The following PPP2R5C variants were observed in gnomAD, a reference collection of about 807,000 sequenced individuals.
The protein encoded by PPP2R5C is serine/threonine-protein phosphatase 2A 56 kDa regulatory subunit gamma isoform.
A neutral mutation model predicts 68.9 loss-of-function variants in PPP2R5C; 7 were observed. That is an observed-to-expected ratio of 0.10 (90% CI 0.06 to 0.19). The LOEUF (loss-of-function observed/expected upper bound fraction) is 0.19, where lower values mean the gene tolerates loss of function less well. PPP2R5C is among the 10% of genes least tolerant of loss of function. PPP2R5C has a pLI of 1.00. For synonymous variants in PPP2R5C, 210 were observed against 222.2 expected, an observed-to-expected ratio of 0.95 and a Z score of 0.49; for missense variants, 348 against 641.3, an observed-to-expected ratio of 0.54 and a Z score of 4.94.
At chr14:101,837,303 C>T (rs1280858539) in intron 1 of PPP2R5C, among the ~76,000 whole-genome samples, 3 of 147,800 alleles carry the variant, frequency 2.0e-5, no homozygotes, top group Non-Finnish European at 3.0e-5. Context: ...ACCACCACGC[C>T]CAGCTCATTT....
chr14:101,878,155 C>G (rs1488888544), intron 2 of PPP2R5C, among the ~76,000 whole-genome samples: 1 of 152,238 alleles, frequency 6.6e-6, no homozygotes, highest in Non-Finnish European at 1.5e-5. Flanking sequence ...TCCCTCCTTA[C>G]AAAGACACTA....
At chr14:101,850,309 T>G (rs1170738778) in intron 1 of PPP2R5C, among the ~76,000 whole-genome samples, 3 of 152,202 alleles carry the variant, frequency 2.0e-5, no homozygotes, top group Admixed American at 6.5e-5. Context: ...AAAGTGATAC[T>G]CAAAAACCAT....
chr14:101,802,317 CAGG>C (rs2038897533), intron 3 of PPP2R5C, among the ~76,000 whole-genome samples: 1 of 152,046 alleles, frequency 6.6e-6, no homozygotes, highest in Non-Finnish European at 1.5e-5. Context: ...GAGGCTGAGG[CAGG>C]AGAATCGCTT....
chr14:101,882,811 G>T lies in PPP2R5C; in HGVS notation c.406-446G>T, dbSNP rs1378072817. On this transcript the variant is annotated intron_variant, in intron 3 of 13. Coordinates refer to ENST00000334743, the Ensembl canonical transcript of PPP2R5C. This position sits in a 1 kb window ranked among gnomAD's most constrained non-coding sequence, Gnocchi z 4.9. The stretch of plus-strand genomic sequence containing the variant: ...GAAAGAATTGTCCCAGCTCCAGGAG[G>T]TCATGATTCTGGGTCCACATCTTAG... The T allele has an allele frequency of 6.1e-6, 1 of 165,090 alleles. No individual in the cohort carries two copies. The highest frequency in any genetic ancestry group is 6.1e-5 in the Admixed American group (1 of 16,312). 10.2% of individuals were successfully genotyped at this position (165,090 alleles called of 1,614,324 possible). A position where few individuals can be genotyped will look rare whatever the true frequency, so the allele number is the denominator to read the frequency against.
chr14:101,925,299 G>A, exon 14 of PPP2R5C: 2 of 1,609,232 alleles, frequency 1.2e-6, no homozygotes, highest in East Asian at 4.5e-5. Flanking sequence ...TCGGGGCCGG[G>A]CCCGCCAGTT....
At chr14:101,896,315 C>T (rs1044775422) in intron 8 of PPP2R5C, among the ~76,000 whole-genome samples, 9 of 152,022 alleles carry the variant, frequency 5.9e-5, no homozygotes, top group African/African-American at 1.7e-4. Context: ...CCACCACACC[C>T]GACCTGTTGT....
intron 2 of PPP2R5C, among the ~76,000 whole-genome samples, chr14:101,875,025 C>T (rs1220461834): frequency 6.6e-6 from 1 of 152,202 alleles, no homozygotes; most frequent in Non-Finnish European, 1.5e-5. Flanking sequence ...CAGGGGTGAG[C>T]CACCGCGCCT....
At chr14:101,861,368 C>T (rs559353598) in intron 2 of PPP2R5C, among the ~76,000 whole-genome samples, 13 of 152,274 alleles carry the variant, frequency 8.5e-5, no homozygotes, top group African/African-American at 3.1e-4. Context: ...GAGAGCCTTT[C>T]GGAGGGCCTG....
chr14:101,770,769 C>T lies in PPP2R5C; in HGVS notation c.93+7799C>T, dbSNP rs72715635. Among the ~76,000 whole-genome samples the T allele has an allele frequency of 1.4e-3, 209 of 152,334 alleles. 1 individual carries two copies. The highest frequency in any genetic ancestry group is 3.4e-3 in the Middle Eastern group (1 of 292). On this transcript the variant is annotated intron_variant, in intron 2 of 14. Transcript: ENST00000328724. ...CAAAGTTCCTACATTAAAGCAACAG[C>T]AGGGTGAATGGCAACTTATAGCCCT... is the stretch of plus-strand genomic sequence containing the variant.
intron 11 of PPP2R5C, among the ~76,000 whole-genome samples, chr14:101,910,269 A>T (rs2046307810): frequency 6.6e-6 from 1 of 152,198 alleles, no homozygotes; most frequent in Non-Finnish European, 1.5e-5. Flanking sequence ...TAGTTGTTGG[A>T]GGTCACTTCT....
At position 101,835,289 on chromosome 14, in the gene PPP2R5C, G is replaced by A. The variant is rs1359141290; in HGVS notation, c.95-21397G>A. On this transcript the variant is annotated intron_variant, in intron 1 of 13. Coordinates refer to ENST00000334743, the Ensembl canonical transcript of PPP2R5C. The surrounding 1 kb of genome is among the most constrained non-coding windows in gnomAD (Gnocchi z 5.0). Reference sequence around the variant, plus strand: ...AAGGGAAGCCCAGGGCAGGGTGTTGGCACAGAGCTGGGAGGTGCATTACAC... The same window carrying A: ...AAGGGAAGCCCAGGGCAGGGTGTTGACACAGAGCTGGGAGGTGCATTACAC... Among the ~76,000 whole-genome samples, 1 of 152,196 alleles carries A rather than the reference G, an allele frequency of 6.6e-6. No homozygotes were observed. Among genetic ancestry groups the A allele is most frequent in the Non-Finnish European group, 1.5e-5 (1 of 68,034 alleles).
At position 101,879,828 on chromosome 14, in the gene PPP2R5C, G is replaced by T. The variant is rs1385808495; in HGVS notation, c.295-2333G>T. 6.6e-6 allele frequency among the ~76,000 whole-genome samples: 1 copy of T among 152,234 alleles called. No homozygotes were observed. Among genetic ancestry groups the T allele is most frequent in the Non-Finnish European group, 1.5e-5 (1 of 68,052 alleles). On this transcript the variant is annotated intron_variant, in intron 2 of 13. Transcript: ENST00000334743. This position sits in a 1 kb window ranked among gnomAD's most constrained non-coding sequence, Gnocchi z 4.2. ...ACTCAATTCAGACTTTCCTTTCTCT[G>T]CCCTTCATGGCCCTGGAAGTTATGG...
chr14:101,851,092 G>A (rs1463175622), intron 1 of PPP2R5C, among the ~76,000 whole-genome samples: 2 of 152,076 alleles, frequency 1.3e-5, no homozygotes, highest in African/African-American at 4.8e-5. Context: ...GTGGGCTCGC[G>A]ACTTGCATAG....
In PPP2R5C at chr14:101,917,015, G is replaced by T. The variant is rs1010678725; in HGVS notation, c.1327-816G>T. Among the ~76,000 whole-genome samples, 6 of 152,144 alleles carry T rather than the reference G, an allele frequency of 3.9e-5. No individual in the cohort carries two copies. Among genetic ancestry groups the T allele is most frequent in the East Asian group, 1.9e-4 (1 of 5,200 alleles). On this transcript the variant is annotated intron_variant, in intron 12 of 13. Coordinates refer to ENST00000334743, the Ensembl canonical transcript of PPP2R5C. This position sits in a 1 kb window ranked among gnomAD's most constrained non-coding sequence, Gnocchi z 4.4. ...TTCCCAGCTCACAGCAGACACAGAT[G>T]CCACTTCCTTCGCCTGTGCCCTCAG...
At chr14:101,833,846 G>A (rs1322952799) in intron 1 of PPP2R5C, among the ~76,000 whole-genome samples, 1 of 152,198 alleles carries the variant, frequency 6.6e-6, no homozygotes, top group Non-Finnish European at 1.5e-5. Flanking sequence ...CTGTCACCCA[G>A]GCTGGAGTGC....
intron 1 of PPP2R5C, among the ~76,000 whole-genome samples, chr14:101,855,502 G>A (rs754918555): frequency 1.6e-4 from 25 of 152,212 alleles, no homozygotes; most frequent in Non-Finnish European, 2.2e-4. Context: ...AGTAAAAGCC[G>A]TCTGTAAATT....
intron 5 of PPP2R5C, 28 bp from the exon 8 acceptor site, chr14:101,890,209 A>G (rs1189582586): frequency 3.8e-6 from 6 of 1,594,476 alleles, no homozygotes; most frequent in Non-Finnish European, 4.3e-6. Flanking sequence ...TCAGTGTCTA[A>G]TTCTAATGGG....
chr14:101,861,681 C>T (rs1040419939), intron 2 of PPP2R5C, among the ~76,000 whole-genome samples: 1 of 152,164 alleles, frequency 6.6e-6, no homozygotes, highest in Non-Finnish European at 1.5e-5. Flanking sequence ...CTTCTGCTGC[C>T]GGCGCCAGTC....
At position 101,825,076 on chromosome 14, in the gene PPP2R5C, C is replaced by T. The variant is rs919823154; in HGVS notation, c.94+15040C>T. On this transcript the variant is annotated intron_variant, in intron 1 of 13. Transcript: ENST00000334743. This position sits in a 1 kb window ranked among gnomAD's most constrained non-coding sequence, Gnocchi z 4.0. ...GGCAAGACGCAGCAGTGGCTTCTCACGCCATCTTCGTCACTACACAAGGGG... is the reference window on the plus strand; with the variant it reads ...GGCAAGACGCAGCAGTGGCTTCTCATGCCATCTTCGTCACTACACAAGGGG... Among the ~76,000 whole-genome samples the T allele has an allele frequency of 1.3e-5, 2 of 152,206 alleles. No individual in the cohort carries two copies. The highest frequency in any genetic ancestry group is 4.8e-5 in the African/African-American group (2 of 41,450).
Sources: allele counts gnomAD v4.1 joint callset (sites outside exome capture counted in the v4.1 genomes callset), GRCh38; gene constraint gnomAD v4.1.1; non-coding constraint Gnocchi (gnomAD v3.1); transcripts MANE v1.5; gene names NCBI Gene and HGNC (gene_info 2026-07-23, HGNC 2026-07-21).